The following STT3B variants were observed in gnomAD, a reference collection of about 807,000 sequenced individuals.
STT3B encodes the protein STT3 oligosaccharyltransferase complex catalytic subunit B, also known as dolichyl-diphosphooligosaccharide--protein glycosyltransferase subunit STT3B.
A neutral mutation model predicts 96.8 loss-of-function variants in STT3B; 29 were observed. The ratio of observed to expected loss-of-function variants is 0.30; its 90% CI spans 0.22 to 0.41. The LOEUF (loss-of-function observed/expected upper bound fraction) is 0.41. Among genes scored for constraint, STT3B ranks in the 10% least tolerant of loss-of-function variants. The pLI is 1.00. For missense variants in STT3B, 640 were observed against 1,022.3 expected (o/e 0.63, Z 5.10); for synonymous variants, 367 against 360.0 (o/e 1.02, Z -0.22).
At chr3:31,617,408 G>A (rs1303759728) in intron 7 of STT3B, among the ~76,000 whole-genome samples, 1 of 151,636 alleles carries the variant, frequency 6.6e-6, no homozygotes, top group East Asian at 1.9e-4. Context: ...AACAGAATCA[G>A]TTTCAGTCTG....
At chr3:31,563,103 C>CGA (rs1697920745) in intron 1 of STT3B, among the ~76,000 whole-genome samples, 5 of 152,186 alleles carry the variant, frequency 3.3e-5, no homozygotes, top group African/African-American at 1.2e-4. Context: ...GCTTGTTTCC[C>CGA]TCTTTTTCCT....
At chr3:31,625,134 G>A (rs1237478499) in intron 12 of STT3B, 49 bp downstream of exon 12, 1 of 1,535,552 alleles carries the variant, frequency 6.5e-7, no homozygotes. Flanking sequence ...TCACTCCTTA[G>A]CAATCAGGCT....
chr3:31,589,070 T>C (rs2125457679), intron 3 of STT3B, among the ~76,000 whole-genome samples: 1 of 152,228 alleles, frequency 6.6e-6, no homozygotes, highest in South Asian at 2.1e-4. Flanking sequence ...ATCATAAACA[T>C]GGAATATCTC....
At chr3:31,605,099 A>G (rs963101370) in intron 5 of STT3B, among the ~76,000 whole-genome samples, 2 of 152,210 alleles carry the variant, frequency 1.3e-5, no homozygotes, top group African/African-American at 4.8e-5. Context: ...TAAAGTTATG[A>G]AGGAATAGCC....
intron 5 of STT3B, among the ~76,000 whole-genome samples, chr3:31,606,192 A>G (rs907999125): frequency 6.6e-6 from 1 of 152,214 alleles, no homozygotes; most frequent in Non-Finnish European, 1.5e-5. Context: ...AAGTTTGGGA[A>G]GTTTGCAGCC....
At chr3:31,597,018 AC>A (rs1383630256) in intron 4 of STT3B, among the ~76,000 whole-genome samples, 155 bp downstream of exon 4, 15 of 152,198 alleles carry the variant, frequency 9.9e-5, no homozygotes, top group African/African-American at 3.4e-4. Context: ...GGTCCTGTAT[AC>A]ACCTGCTTTG....
intron 1 of STT3B, among the ~76,000 whole-genome samples, chr3:31,535,962 C>G (rs532866816): frequency 9.8e-4 from 149 of 152,218 alleles, no homozygotes; most frequent in African/African-American, 3.3e-3. Flanking sequence ...TGGACTGTCT[C>G]CTGTGCCTTA....
At chr3:31,564,237 G>A (rs1013951939) in intron 1 of STT3B, among the ~76,000 whole-genome samples, 1 of 152,140 alleles carries the variant, frequency 6.6e-6, no homozygotes, top group Non-Finnish European at 1.5e-5. Context: ...TTGCTCGGGC[G>A]ACAGTTGTGT....
In STT3B at chr3:31,636,093, C is replaced by G. The variant is rs747830743; in HGVS notation, c.*29C>G. The G allele has an allele frequency of 2.6e-6, 4 of 1,540,744 alleles. No individual in the cohort carries two copies. In the African/African-American group the frequency reaches 5.5e-5, roughly 21 times the overall value. On this transcript the variant is annotated 3_prime_UTR_variant, in exon 16 of 16. Transcript: ENST00000295770. ...CACTGTTCTGGTTCCTAACTTGAAG[C>G]AGTTGTCCTTGTGAGAACCGGTCTT...
chr3:31,620,786 T>G (rs1460567280), intron 9 of STT3B, among the ~76,000 whole-genome samples: 1 of 152,180 alleles, frequency 6.6e-6, no homozygotes. Context: ...TGGTAAGTAA[T>G]TTGTAGTGCT....
intron 10 of STT3B, 33 bp downstream of exon 10, chr3:31,622,341 C>A (rs538159071): frequency 1.3e-6 from 2 of 1,553,604 alleles, no homozygotes; most frequent in African/African-American, 1.4e-5. Flanking sequence ...TTTAAATTGT[C>A]TATGTCCTTT....
In STT3B at chr3:31,543,937, A is replaced by G. The variant is rs886567590; in HGVS notation, c.314+10625A>G. Among the ~76,000 whole-genome samples, 8 of 152,388 alleles carry G rather than the reference A, an allele frequency of 5.2e-5. No homozygotes were observed. In the South Asian group the frequency reaches 1.2e-3, roughly 24 times the overall value. On this transcript the variant is annotated intron_variant, in intron 1 of 15. Coordinates refer to ENST00000295770, the MANE Select transcript of STT3B (RefSeq NM_178862.3). ...TTAATATACAAAAACCATATGAGTT[A>G]TGAAAGTTTTATTATTTTTCAAATG... is the stretch of plus-strand genomic sequence containing the variant.
intron 3 of STT3B, among the ~76,000 whole-genome samples, chr3:31,589,486 G>A (rs1232396837): frequency 6.6e-6 from 1 of 151,876 alleles, no homozygotes; most frequent in African/African-American, 2.4e-5. Context: ...ATGCAAATAG[G>A]AGTGATGAGA....
At chr3:31,550,735 T>A (rs1697530853) in intron 1 of STT3B, among the ~76,000 whole-genome samples, 1 of 152,184 alleles carries the variant, frequency 6.6e-6, no homozygotes, top group Non-Finnish European at 1.5e-5. Context: ...ATCTAGACAG[T>A]GCTCGTGTGT....
intron 3 of STT3B, among the ~76,000 whole-genome samples, chr3:31,584,685 T>G (rs1165227436): frequency 1.3e-5 from 2 of 152,138 alleles, no homozygotes; most frequent in Non-Finnish European, 2.9e-5. Context: ...GAGTTTTTCC[T>G]TTGTTTTCTT....
intron 5 of STT3B, among the ~76,000 whole-genome samples, chr3:31,607,840 T>C (rs886803623): frequency 3.3e-5 from 5 of 151,962 alleles, no homozygotes; most frequent in African/African-American, 1.2e-4. Context: ...GCTGAAGTGG[T>C]CCTCCCACCT....
chr3:31,539,496 C>G (rs1414796121), intron 1 of STT3B, among the ~76,000 whole-genome samples: 1 of 152,100 alleles, frequency 6.6e-6, no homozygotes, highest in Non-Finnish European at 1.5e-5. Flanking sequence ...AAGTCTGTTC[C>G]TCTTACCACA....
chr3:31,567,006 T>A (rs1486343654), intron 1 of STT3B, among the ~76,000 whole-genome samples: 1 of 152,194 alleles, frequency 6.6e-6, no homozygotes, highest in Admixed American at 6.5e-5. Context: ...CACATTTTTC[T>A]AATATCTTGT....
chr3:31,604,886 C>G (rs1055744258), intron 5 of STT3B, among the ~76,000 whole-genome samples: 2 of 152,146 alleles, frequency 1.3e-5, no homozygotes, highest in Admixed American at 1.3e-4. Context: ...AATTCTTGCT[C>G]CCTTACTACT....
Sources: gnomAD v4.1 joint callset for allele counts (sites outside exome capture counted in the v4.1 genomes callset) on GRCh38, gnomAD v4.1.1 for gene constraint, MANE v1.5 for transcripts, NCBI Gene and HGNC (gene_info 2026-07-23, HGNC 2026-07-21) for gene names.